Variants in RAPGEF5 observed in about 807,000 individuals in gnomAD.
RAPGEF5 encodes M-Ras-regulated GEF.
RAPGEF5 carries 65 observed loss-of-function variants against 125.2 expected under a neutral mutation model. The ratio of observed to expected loss-of-function variants is 0.52; its 90% CI spans 0.43 to 0.64. The LOEUF (loss-of-function observed/expected upper bound fraction) is 0.64. RAPGEF5 is among the 30% of genes least tolerant of loss of function. The pLI, the probability that RAPGEF5 is intolerant of heterozygous loss-of-function variation, is 0.00. For missense variants in RAPGEF5, 958 were observed against 1,048.1 expected (o/e 0.91, Z 1.19); for synonymous variants, 391 against 385.9 (o/e 1.01, Z -0.16).
At position 22,150,425 on chromosome 7, in the gene RAPGEF5, T is replaced by C. The variant is rs759965663; in HGVS notation, c.1866A>G (p.Lys622=). The change falls in exon 18 of 26, where the codon AAA becomes AAG. Residue 622 remains lysine, a synonymous_variant. Transcript: ENST00000665637. The stretch of plus-strand genomic sequence containing the variant: ...TCCTTACCAAAGTGTCCGCCAGGTC[T>C]TTCCGGTAGACATATATTCGACCAG... ...EASGRIYVYR[K]DLADTLNPFA... The C allele has an allele frequency of 3.7e-6, 6 of 1,610,560 alleles. No individual in the cohort carries two copies. In the South Asian group the frequency reaches 5.5e-5, roughly 15 times the overall value.
chr7:22,131,682 A>G (rs1583390025), intron 23 of RAPGEF5, among the ~76,000 whole-genome samples: 1 of 152,248 alleles, frequency 6.6e-6, no homozygotes, highest in African/African-American at 2.4e-5. Context: ...TTCGACTAGT[A>G]GAAAGCAAGC....
intron 1 of RAPGEF5, among the ~76,000 whole-genome samples, chr7:22,355,081 A>G (rs1020183158): frequency 2.0e-5 from 3 of 152,262 alleles, no homozygotes; most frequent in Non-Finnish European, 4.4e-5. Flanking sequence ...AACACTGGAA[A>G]AACTGACAAT....
chr7:22,290,694 G>T (rs1483632874), intron 6 of RAPGEF5, among the ~76,000 whole-genome samples: 3 of 144,802 alleles, frequency 2.1e-5, no homozygotes, highest in African/African-American at 7.7e-5. Context: ...GCAGTGAGCC[G>T]AGATCCCGCC....
rs3911819 is a variant in RAPGEF5, at chr7:22,301,730, C to A, written c.680+6609G>T. Among the ~76,000 whole-genome samples, 148 of 151,696 alleles carry A rather than the reference C, an allele frequency of 9.8e-4. 3 individuals are homozygous for A. In the East Asian group the frequency reaches 0.024, roughly 25 times the overall value. On this transcript the variant is annotated intron_variant, in intron 5 of 25. Coordinates refer to ENST00000665637, the MANE Select transcript of RAPGEF5 (RefSeq NM_012294.5). ...TAGAAAACACAAAAGACAGGAATAA[C>A]CTATAACAAAAACTAATTTTCAATA... is the stretch of plus-strand genomic sequence containing the variant.
At chr7:22,283,985 AT>A (rs1782735820) in intron 6 of RAPGEF5, among the ~76,000 whole-genome samples, 1 of 152,154 alleles carries the variant, frequency 6.6e-6, no homozygotes, top group Non-Finnish European at 1.5e-5. Flanking sequence ...AGAGTTAAAA[AT>A]TAAGTTACCA....
At chr7:22,346,912 T>G (rs183870734) in intron 1 of RAPGEF5, among the ~76,000 whole-genome samples, 2 of 152,184 alleles carry the variant, frequency 1.3e-5, no homozygotes, top group Non-Finnish European at 2.9e-5. Context: ...ACAGATTAAC[T>G]GAGTCACAGA....
intron 7 of RAPGEF5, among the ~76,000 whole-genome samples, chr7:22,246,553 C>A (rs532376955): frequency 5.3e-5 from 8 of 152,058 alleles, no homozygotes; most frequent in Non-Finnish European, 7.4e-5. Context: ...ATACCCCTAC[C>A]TTTTACCATT....
chr7:22,223,701 G>A (rs1785846925), intron 8 of RAPGEF5, among the ~76,000 whole-genome samples: 1 of 152,164 alleles, frequency 6.6e-6, no homozygotes, highest in African/African-American at 2.4e-5. Flanking sequence ...CAGTGAAACA[G>A]GAGAGACAGT....
intron 5 of RAPGEF5, among the ~76,000 whole-genome samples, chr7:22,300,585 T>C (rs1783173714): frequency 6.6e-6 from 1 of 152,250 alleles, no homozygotes; most frequent in Non-Finnish European, 1.5e-5. Context: ...ATGCCTTTTC[T>C]ATGGTACCTT....
chr7:22,339,335 G>A (rs1046290285), intron 1 of RAPGEF5, among the ~76,000 whole-genome samples: 1 of 152,228 alleles, frequency 6.6e-6, no homozygotes, highest in South Asian at 2.1e-4. Flanking sequence ...GAGGAGGCAA[G>A]AAGTGAGGTT....
At position 22,212,632 on chromosome 7, in the gene RAPGEF5, T is replaced by C. The variant is rs374000479; in HGVS notation, c.996+7234A>G. Among the ~76,000 whole-genome samples, 50 of 152,342 alleles carry C rather than the reference T, an allele frequency of 3.3e-4. 1 individual carries two copies. In the South Asian group the frequency reaches 9.1e-3, roughly 28 times the overall value. ...CACAGTTATCATGAACAACTCTCCA[T>C]CTGTCTGTGCATCCTTTCCCTAAAC... On this transcript the variant is annotated intron_variant, in intron 9 of 25. Coordinates refer to ENST00000665637, the MANE Select transcript of RAPGEF5 (RefSeq NM_012294.5).
chr7:22,123,083 C>G (rs966797926), intron 25 of RAPGEF5, among the ~76,000 whole-genome samples: 1 of 152,140 alleles, frequency 6.6e-6, no homozygotes, highest in East Asian at 1.9e-4. Flanking sequence ...TGAACAGATA[C>G]AACAGAACAG....
At chr7:22,337,523 T>A (rs1784048920) in intron 1 of RAPGEF5, among the ~76,000 whole-genome samples, 1 of 152,200 alleles carries the variant, frequency 6.6e-6, no homozygotes, top group Admixed American at 6.5e-5. Context: ...AATCCTAAAC[T>A]TGTGGCCTTT....
chr7:22,206,824 CAT>C (rs1437674604), intron 9 of RAPGEF5, among the ~76,000 whole-genome samples: 13 of 151,930 alleles, frequency 8.6e-5, no homozygotes, highest in African/African-American at 2.4e-4. Flanking sequence ...CATTTCCACT[CAT>C]GTGTATAAAA....
At chr7:22,337,355 A>G (rs1178995489) in intron 1 of RAPGEF5, among the ~76,000 whole-genome samples, 1 of 152,146 alleles carries the variant, frequency 6.6e-6, no homozygotes, top group Non-Finnish European at 1.5e-5. Flanking sequence ...TAGAAATGCA[A>G]AAGTTTTAAA....
rs531905337 is a variant in RAPGEF5 at position 22,272,127 on chromosome 7, A to G, written c.748-5115T>C. On this transcript the variant is annotated intron_variant, in intron 6 of 25. Coordinates refer to ENST00000665637, the MANE Select transcript of RAPGEF5 (RefSeq NM_012294.5). The stretch of plus-strand genomic sequence containing the variant: ...GGGAGGTCGAGGTGGGCAGATCATG[A>G]GGTCAGGAGTTCGAGACCAGCCTGA... Among the ~76,000 whole-genome samples the G allele has an allele frequency of 1.6e-4, 25 of 152,226 alleles. 3 individuals carry two copies. The South Asian group carries it at 4.8e-3, about 29-fold the overall frequency.
At position 22,122,447 on chromosome 7, in the gene RAPGEF5, C is replaced by G. The variant is rs1228773947; in HGVS notation, c.2611G>C (p.Ala871Pro). 2 of 1,613,894 alleles carry G rather than the reference C, an allele frequency of 1.2e-6. No homozygotes were observed. Among genetic ancestry groups the G allele is most frequent in the Non-Finnish European group, 1.7e-6 (2 of 1,179,848 alleles). ...NHLYVIDSQQ[A>P]LFELSHRIEP... ...ATCCTGTGTGAGAGCTCAAACAGAG[C>G]CTGCTGGCTGTCAATGACATACAGG... The change falls in exon 26 of 26, where the codon GCT becomes CCT. Residue 871 changes from alanine to proline, a missense_variant. Transcript: ENST00000665637.
At chr7:22,214,510 A>AC (rs1173835075) in intron 9 of RAPGEF5, among the ~76,000 whole-genome samples, 2 of 152,348 alleles carry the variant, frequency 1.3e-5, no homozygotes, top group African/African-American at 4.8e-5. Context: ...TCGGGAAAAT[A>AC]CAGGTTCAGT....
chr7:22,254,608 CAAAAAAAAAAAA>C (rs11330777), intron 7 of RAPGEF5, among the ~76,000 whole-genome samples: 10 of 83,020 alleles, frequency 1.2e-4, no homozygotes, highest in Non-Finnish European at 2.2e-4. Context: ...AACTCCGTCT[CAAAAAAAAAAAA>C]AAAAAAAAAA....
Sources: gnomAD v4.1 joint callset for allele counts (sites outside exome capture counted in the v4.1 genomes callset) on GRCh38, gnomAD v4.1.1 for gene constraint, MANE v1.5 for transcripts, NCBI Gene and HGNC (gene_info 2026-07-23, HGNC 2026-07-21) for gene names.